Variants in ZFHX3 observed in about 807,000 individuals in gnomAD.
ZFHX3 encodes the protein zinc finger homeobox protein 3.
In ZFHX3, 42 loss-of-function variants were observed where a neutral mutation model predicts 279.1. The ratio of observed to expected loss-of-function variants is 0.15; its 90% CI spans 0.12 to 0.19. ZFHX3 has a LOEUF of 0.19. Among genes scored for constraint, ZFHX3 ranks in the 10% least tolerant of loss-of-function variants. ZFHX3 has a pLI of 1.00. For missense variants in ZFHX3, 4,981 were observed against 4,754.0 expected, an observed-to-expected ratio of 1.05 and a Z score of -1.40; for synonymous variants, 2,293 against 1,957.8, an observed-to-expected ratio of 1.17 and a Z score of -4.52.
Position 72,787,026 on chromosome 16 carries a change from T to C in ZFHX3, c.*138A>G. 2.0e-6 allele frequency: 2 copies of C among 1,023,650 alleles called. No individual in the cohort carries two copies. Among genetic ancestry groups the C allele is most frequent in the South Asian group, 3.8e-5 (1 of 26,418 alleles). The allele number at this position is 1,023,650 out of a possible 1,614,324, so 63.4% of individuals were successfully genotyped here. A position where few individuals can be genotyped will look rare whatever the true frequency, so the allele number is the denominator to read the frequency against. ...GGTATATGGGAAAACAACCCACGCT[T>C]TTTCTTTTTTTTCTTTTTTTTTTTT... On this transcript the variant is annotated 3_prime_UTR_variant, in exon 10 of 10. Coordinates refer to ENST00000268489, the MANE Select transcript of ZFHX3 (RefSeq NM_006885.4).
At chr16:72,918,018 A>T (rs1420598691) in intron 3 of ZFHX3, among the ~76,000 whole-genome samples, 1 of 152,074 alleles carries the variant, frequency 6.6e-6, no homozygotes, top group Admixed American at 6.5e-5. Context: ...GGTTGAGGGG[A>T]CAAGGAGGCC....
Position 72,874,198 on chromosome 16 carries a change from A to ATTTTTTTT in ZFHX3, c.3448+15525_3448+15532dup, listed in dbSNP as rs565664402. ...TGGAGCTCAGATGGAGGATTTTTTG[A>ATTTTTTTT]TTTTTTTTTTTTTTTTTTTTTTTTT... On this transcript the variant is annotated intron_variant, in intron 4 of 9. Transcript: ENST00000268489. Among the ~76,000 whole-genome samples the ATTTTTTTT allele has an allele frequency of 4.9e-3, 465 of 95,106 alleles. 59 individuals carry two copies. Among genetic ancestry groups the ATTTTTTTT allele is most frequent in the African/African-American group, 0.02 (429 of 21,210 alleles). The allele number at this position is 95,106 out of a possible 152,430, so 62.4% of individuals were successfully genotyped here. A position where few individuals can be genotyped will look rare whatever the true frequency, so the allele number is the denominator to read the frequency against.
intron 1 of ZFHX3, among the ~76,000 whole-genome samples, chr16:73,808,812 C>A (rs899785630): frequency 6.6e-6 from 1 of 152,074 alleles, no homozygotes; most frequent in Non-Finnish European, 1.5e-5. Context: ...ATATAGTATG[C>A]AGAGTATATA....
At chr16:73,440,561 T>G (rs893743188) in intron 3 of ZFHX3, among the ~76,000 whole-genome samples, 11 of 152,226 alleles carry the variant, frequency 7.2e-5, no homozygotes, top group African/African-American at 2.7e-4. Context: ...TCTGACAGAT[T>G]GAGAGTTGGA....
At chr16:73,460,713 A>G (rs2018456601) in intron 2 of ZFHX3, among the ~76,000 whole-genome samples, 1 of 152,170 alleles carries the variant, frequency 6.6e-6, no homozygotes, top group South Asian at 2.1e-4. Context: ...GGTGCAGCTA[A>G]TTGGATCATG....
chr16:73,427,921 C>T (rs1019034116), intron 3 of ZFHX3, among the ~76,000 whole-genome samples: 7 of 151,974 alleles, frequency 4.6e-5, no homozygotes, highest in East Asian at 1.9e-4. Flanking sequence ...CCTGCTTGGG[C>T]GACAGAGCGA....
At chr16:73,462,588 T>C (rs2018491807) in intron 2 of ZFHX3, among the ~76,000 whole-genome samples, 1 of 152,198 alleles carries the variant, frequency 6.6e-6, no homozygotes, top group African/African-American at 2.4e-5. Flanking sequence ...GAAGTTACTA[T>C]TTCTTTATTT....
rs955411614 is a variant in ZFHX3, at chr16:73,868,527, C to G, written c.-1608+23124G>C. Among the ~76,000 whole-genome samples the G allele has an allele frequency of 1.1e-4, 16 of 152,230 alleles. No homozygotes were observed. In the East Asian group the frequency reaches 3.1e-3, roughly 29 times the overall value. ...CAACAGAGCAGGATTCCATCTCAAA[C>G]AAACAAAAAAGATTTAAACAATGTA... On this transcript the variant is annotated intron_variant, in intron 1 of 17. Transcript: ENST00000641206.
At chr16:73,122,590 G>A (rs561832612) in intron 7 of ZFHX3, among the ~76,000 whole-genome samples, 3 of 152,256 alleles carry the variant, frequency 2.0e-5, no homozygotes, top group South Asian at 2.1e-4. Flanking sequence ...AGGCCACCAC[G>A]GGGTGCAGTG....
chr16:72,841,616 T>C (rs2037347500), intron 4 of ZFHX3, among the ~76,000 whole-genome samples: 1 of 152,142 alleles, frequency 6.6e-6, no homozygotes. Flanking sequence ...CCCACATCCC[T>C]TTCACAATGA....
intron 1 of ZFHX3, among the ~76,000 whole-genome samples, chr16:73,688,523 G>A (rs1385189857): frequency 6.6e-6 from 1 of 152,064 alleles, no homozygotes; most frequent in Non-Finnish European, 1.5e-5. Flanking sequence ...CACCATGTAA[G>A]GACACAGTGC....
At chr16:73,683,060 T>G in intron 1 of ZFHX3, among the ~76,000 whole-genome samples, 1 of 151,804 alleles carries the variant, frequency 6.6e-6, no homozygotes, top group East Asian at 1.9e-4. Context: ...TTGCATGATT[T>G]TTGAAGATAG....
rs1438133307 is a variant in ZFHX3 at position 72,796,904 on chromosome 16, A to G, written c.5778T>C (p.Gly1926=). ...KEKKELAPGG[G]SEPSMLPPRI... is the part of the protein sequence containing the mutation. ...GTGGAGGGAGCATGGAAGGCTCAGA[A>G]CCACCCCCTGGTGCCAACTCTTTCT... The change falls in exon 9 of 10, where the codon GGT becomes GGC. Residue 1926 remains glycine, a synonymous_variant. Transcript: ENST00000268489. 6.2e-7 allele frequency: 1 copy of G among 1,613,640 alleles called. No individual in the cohort carries two copies. Among genetic ancestry groups the G allele is most frequent in the South Asian group, 1.1e-5 (1 of 91,032 alleles).
intron 2 of ZFHX3, among the ~76,000 whole-genome samples, chr16:73,570,863 C>G (rs950588688): frequency 6.6e-6 from 1 of 150,624 alleles, no homozygotes; most frequent in Non-Finnish European, 1.5e-5. Flanking sequence ...AAGGCAATGC[C>G]CAGAACTAAA....
intron 1 of ZFHX3, among the ~76,000 whole-genome samples, chr16:73,811,290 C>G (rs328313): frequency 0.7 from 106,116 of 152,118 alleles, 38,748 homozygotes; most frequent in African/African-American, 0.92. Context: ...TATCTACCTT[C>G]GGCAAAGCCC....
At chr16:73,444,553 C>T (rs1434473995) in intron 3 of ZFHX3, among the ~76,000 whole-genome samples, 2 of 152,198 alleles carry the variant, frequency 1.3e-5, no homozygotes, top group Non-Finnish European at 2.9e-5. Flanking sequence ...ATGACATATA[C>T]AGCAGCCAAA....
upstream of ZFHX3, among the ~76,000 whole-genome samples, chr16:73,063,094 C>T (rs1404419022): frequency 1.3e-5 from 2 of 152,206 alleles, no homozygotes; most frequent in East Asian, 1.9e-4. Context: ...CTTTTGTGGT[C>T]TCTGCACGGG....
At chr16:73,474,613 C>T (rs2018733093) in intron 2 of ZFHX3, among the ~76,000 whole-genome samples, 1 of 152,132 alleles carries the variant, frequency 6.6e-6, no homozygotes, top group Non-Finnish European at 1.5e-5. Context: ...TGGCATCAGC[C>T]CCCTGAGTTT....
intron 8 of ZFHX3, among the ~76,000 whole-genome samples, chr16:73,074,682 T>A (rs1965865747): frequency 7.2e-6 from 1 of 139,638 alleles, no homozygotes; most frequent in Admixed American, 7.0e-5. Flanking sequence ...CAGACATGCT[T>A]AACCAACGAG....
Sources: gnomAD v4.1 joint callset for allele counts (sites outside exome capture counted in the v4.1 genomes callset) on GRCh38, gnomAD v4.1.1 for gene constraint, MANE v1.5 for transcripts, NCBI Gene and HGNC (gene_info 2026-07-23, HGNC 2026-07-21) for gene names.